Variants in TNFAIP8L1 observed in about 807,000 individuals in gnomAD.
TNFAIP8L1 encodes the protein tumor necrosis factor alpha-induced protein 8-like protein 1.
For synonymous variants in TNFAIP8L1, 127 were observed against 125.6 expected, an observed-to-expected ratio of 1.01 and a Z score of -0.08; for missense variants, 225 against 266.1, an observed-to-expected ratio of 0.85 and a Z score of 1.08.
chr19:4,648,640 A>C (rs2088333663), intron 1 of TNFAIP8L1, among the ~76,000 whole-genome samples: 1 of 152,152 alleles, frequency 6.6e-6, no homozygotes, highest in African/African-American at 2.4e-5. Context: ...CCCTTCCTGA[A>C]TCTGTAAACA....
At chr19:4,647,541 C>A (rs2088323035) in intron 1 of TNFAIP8L1, among the ~76,000 whole-genome samples, 1 of 151,120 alleles carries the variant, frequency 6.6e-6, no homozygotes, top group South Asian at 2.1e-4. Flanking sequence ...CAACTCTTCA[C>A]CTCAGGTGAT....
intron 1 of TNFAIP8L1, among the ~76,000 whole-genome samples, chr19:4,650,500 A>G (rs1302609581): frequency 3.3e-5 from 5 of 152,022 alleles, no homozygotes; most frequent in East Asian, 3.9e-4. Context: ...CCGGAGCTGC[A>G]GGAAGGAGGT....
Position 4,651,918 on chromosome 19 carries a change from C to T in TNFAIP8L1, c.49C>T (p.Leu17Phe). ...CCTGGCTCTGCAGGCGCAGAAGAAG[C>T]TCCTGAGTAAGATGGCGTCCAAGGC... ...KSLALQAQKK[L>F]LSKMASKAVV... Residue 17 changes from leucine to phenylalanine, a missense_variant, in exon 2 of 2, where the codon CTC becomes TTC. Leu to Phe is a conservative substitution (Grantham distance 22). Transcript: ENST00000327473. The T allele has an allele frequency of 6.2e-7, 1 of 1,613,130 alleles. No individual in the cohort carries two copies. The highest frequency in any genetic ancestry group is 8.5e-7 in the Non-Finnish European group (1 of 1,179,228).
At chr19:4,649,525 C>G (rs1291280691) in intron 1 of TNFAIP8L1, among the ~76,000 whole-genome samples, 1 of 152,210 alleles carries the variant, frequency 6.6e-6, no homozygotes, top group Non-Finnish European at 1.5e-5. Flanking sequence ...CCCTCTAAGA[C>G]TCACGGCCAG....
Position 4,653,271 on chromosome 19 carries a change from T to G in TNFAIP8L1, c.*841T>G, listed in dbSNP as rs1173047171. 1 of 166,792 alleles carries G rather than the reference T, an allele frequency of 6.0e-6. No homozygotes were observed. The highest frequency in any genetic ancestry group is 1.5e-5 in the Non-Finnish European group (1 of 68,404). 10.3% of individuals were successfully genotyped at this position (166,792 alleles called of 1,614,324 possible). ...GTGAGCCGAGATTGTGCCACTGCAC[T>G]CCAGCCTGGGTGACAGAGCAAGACT... is the stretch of plus-strand genomic sequence containing the variant. On this transcript the variant is annotated 3_prime_UTR_variant, in exon 2 of 2. Coordinates refer to ENST00000327473, the MANE Select transcript of TNFAIP8L1 (RefSeq NM_152362.3).
intron 1 of TNFAIP8L1, among the ~76,000 whole-genome samples, 188 bp from the exon 2 acceptor site, chr19:4,651,679 C>T (rs61075280): frequency 6.6e-6 from 1 of 152,234 alleles, no homozygotes; most frequent in African/African-American, 2.4e-5. Flanking sequence ...TAACCTCGAT[C>T]TCAGGCGATC....
chr19:4,646,497 AATTCCAGAACATTCC>A (rs986107033), intron 1 of TNFAIP8L1, among the ~76,000 whole-genome samples: 1 of 151,760 alleles, frequency 6.6e-6, no homozygotes, highest in Non-Finnish European at 1.5e-5. Flanking sequence ...TGGAATCTCT[AATTCCAGAACATTCC>A]ATTACCACTC....
At position 4,639,629 on chromosome 19, in the gene TNFAIP8L1, G is replaced by A. The variant is rs2088241958; in HGVS notation, c.-4G>A. The A allele has an allele frequency of 6.6e-6, 1 of 152,534 alleles. No homozygotes were observed. The allele number at this position is 152,534 out of a possible 1,614,324, so 9.4% of individuals were successfully genotyped here. ...ACGTACGGACTCTGCTTCGAGAGTA[G>A]GTGAGCGAGCAGTGCCGGGGCGCCC... On this transcript the variant is annotated splice_region_variant and 5_prime_UTR_variant, in exon 1 of 2. Coordinates refer to ENST00000327473, the MANE Select transcript of TNFAIP8L1 (RefSeq NM_152362.3).
chr19:4,650,159 G>A (rs1208067851), intron 1 of TNFAIP8L1, among the ~76,000 whole-genome samples: 1 of 152,210 alleles, frequency 6.6e-6, no homozygotes, highest in East Asian at 1.9e-4. Flanking sequence ...GTGGCCTGGG[G>A]TGAGGCAGAC....
At chr19:4,647,294 C>G (rs2088320754) in intron 1 of TNFAIP8L1, among the ~76,000 whole-genome samples, 1 of 152,050 alleles carries the variant, frequency 6.6e-6, no homozygotes, top group Non-Finnish European at 1.5e-5. Context: ...GTCTGAGGAG[C>G]CGTCGGACTG....
chr19:4,644,750 T>C (rs1406402481), intron 1 of TNFAIP8L1, among the ~76,000 whole-genome samples: 1 of 151,756 alleles, frequency 6.6e-6, no homozygotes, highest in African/African-American at 2.4e-5. Flanking sequence ...ATTACAGGCG[T>C]GTGCCACACA....
rs538511757 is a variant in TNFAIP8L1, at chr19:4,645,348, G to A, written c.-4+5719G>A. On this transcript the variant is annotated intron_variant, in intron 1 of 1. Transcript: ENST00000327473. This position sits in a 1 kb window ranked among gnomAD's most constrained non-coding sequence, Gnocchi z 4.1. ...AGATCACTTGAGGCCGGGAGTTAGA[G>A]ACCAGCCTGGCCGACATGGCCAAAC... Among the ~76,000 whole-genome samples, 6 of 152,034 alleles carry A rather than the reference G, an allele frequency of 3.9e-5. No individual in the cohort carries two copies. Among genetic ancestry groups the A allele is most frequent in the African/African-American group, 1.4e-4 (6 of 41,426 alleles).
At chr19:4,650,470 T>C (rs1177839634) in intron 1 of TNFAIP8L1, among the ~76,000 whole-genome samples, 2 of 151,910 alleles carry the variant, frequency 1.3e-5, no homozygotes, top group African/African-American at 4.8e-5. Context: ...TATGCCCTAC[T>C]CTGAGATTTA....
intron 1 of TNFAIP8L1, among the ~76,000 whole-genome samples, chr19:4,651,041 C>T (rs2088359102): frequency 6.6e-6 from 1 of 151,842 alleles, no homozygotes. Context: ...ACCAACCCTG[C>T]GGGGGCAGTG....
intron 1 of TNFAIP8L1, among the ~76,000 whole-genome samples, chr19:4,648,537 G>A (rs1170185823): frequency 6.6e-6 from 1 of 152,220 alleles, no homozygotes; most frequent in Non-Finnish European, 1.5e-5. Context: ...TCTTAGGAGT[G>A]TGGGGGCCAG....
Position 4,654,305 on chromosome 19 carries a change from C to T in TNFAIP8L1, c.*1875C>T, listed in dbSNP as rs1387886986. The T allele has an allele frequency of 6.6e-6, 1 of 152,196 alleles. No individual in the cohort carries two copies. Among genetic ancestry groups the T allele is most frequent in the Non-Finnish European group, 1.5e-5 (1 of 68,030 alleles). The allele number at this position is 152,196 out of a possible 1,614,324, so 9.4% of individuals were successfully genotyped here. On this transcript the variant is annotated 3_prime_UTR_variant, in exon 2 of 2. Transcript: ENST00000327473. ...GAGGGGACGGAGCGTGCCCACCTCC[C>T]AGGGGTGAGGGGGGACCCACCTGAG...
intron 1 of TNFAIP8L1, among the ~76,000 whole-genome samples, chr19:4,651,372 G>T (rs544385616): frequency 1.3e-5 from 2 of 151,908 alleles, no homozygotes; most frequent in East Asian, 3.9e-4. Flanking sequence ...TAGAGATAGG[G>T]TCTTGTTATG....
At position 4,655,258 on chromosome 19, in the gene TNFAIP8L1, T is replaced by A. The variant is rs1381225558; in HGVS notation, c.*2828T>A. 1 of 152,276 alleles carries A rather than the reference T, an allele frequency of 6.6e-6. No homozygotes were observed. The highest frequency in any genetic ancestry group is 2.4e-5 in the African/African-American group (1 of 41,462). The allele number at this position is 152,276 out of a possible 1,614,324, so 9.4% of individuals were successfully genotyped here. ...AGCAGCCTTCCCGTGGTTCGGTTTT[T>A]GCTTCCGCGAAAAAGCCAAAGGCCT... On this transcript the variant is annotated 3_prime_UTR_variant, in exon 2 of 2. Coordinates refer to ENST00000327473, the MANE Select transcript of TNFAIP8L1 (RefSeq NM_152362.3).
At chr19:4,649,865 G>A (rs1272670477) in intron 1 of TNFAIP8L1, among the ~76,000 whole-genome samples, 1 of 152,224 alleles carries the variant, frequency 6.6e-6, no homozygotes, top group African/African-American at 2.4e-5. Context: ...CTCAGAGGGC[G>A]GCCGAGGGTT....
Sources: gnomAD v4.1 joint callset for allele counts (sites outside exome capture counted in the v4.1 genomes callset) on GRCh38, gnomAD v4.1.1 for gene constraint, Gnocchi (gnomAD v3.1) non-coding constraint, MANE v1.5 for transcripts, NCBI Gene and HGNC (gene_info 2026-07-23, HGNC 2026-07-21) for gene names.